CNTN5: variants seen among roughly 807,000 people sequenced by gnomAD.
The protein encoded by CNTN5 is contactin 5, also known as contactin-5.
In CNTN5, 77 loss-of-function variants were observed where a neutral mutation model predicts 129.1. That is an observed-to-expected ratio of 0.60 (90% CI 0.50 to 0.72). The LOEUF is 0.72. Ranked by LOEUF, CNTN5 falls within the 30% of genes least tolerant of loss-of-function variation. The pLI is 0.00. For synonymous variants in CNTN5, 509 were observed against 465.6 expected (o/e 1.09, Z -1.20); for missense variants, 1,478 against 1,328.8 (o/e 1.11, Z -1.75).
chr11:99,766,772 C>T (rs565122410), intron 3 of CNTN5, among the ~76,000 whole-genome samples: 1 of 152,020 alleles, frequency 6.6e-6, no homozygotes, highest in Admixed American at 6.6e-5. Flanking sequence ...TTTTAACAAG[C>T]ATTTTAAAAA....
chr11:99,597,146 A>G (rs982999384), intron 3 of CNTN5, among the ~76,000 whole-genome samples: 1 of 152,186 alleles, frequency 6.6e-6, no homozygotes, highest in Non-Finnish European at 1.5e-5. Flanking sequence ...AGGATATATT[A>G]AACAATACCA....
intron 24 of CNTN5, among the ~76,000 whole-genome samples, chr11:100,354,593 A>G (rs1241878964): frequency 6.6e-6 from 1 of 151,716 alleles, no homozygotes; most frequent in East Asian, 1.9e-4. Flanking sequence ...AAAATTTACT[A>G]GAGTAAGCAT....
intron 1 of CNTN5, among the ~76,000 whole-genome samples, chr11:99,174,187 C>T (rs1287560186): frequency 2.6e-5 from 4 of 151,992 alleles, no homozygotes; most frequent in East Asian, 1.9e-4. Context: ...TCTGTAGAGA[C>T]GGGGTTTCAC....
chr11:100,149,550 A>AAAATAT (rs1946977718), intron 13 of CNTN5, among the ~76,000 whole-genome samples: 1 of 152,320 alleles, frequency 6.6e-6, no homozygotes, highest in South Asian at 2.1e-4. Flanking sequence ...ATGATAAAAT[A>AAAATAT]AAATATACAT....
At chr11:99,811,437 AT>A (rs1946425126) in intron 3 of CNTN5, among the ~76,000 whole-genome samples, 1 of 148,952 alleles carries the variant, frequency 6.7e-6, no homozygotes, top group African/African-American at 2.4e-5. Flanking sequence ...ATTCTAATCC[AT>A]TATTTTGTTA....
intron 2 of CNTN5, among the ~76,000 whole-genome samples, chr11:99,416,924 C>T (rs563059534): frequency 6.6e-6 from 1 of 152,312 alleles, no homozygotes; most frequent in South Asian, 2.1e-4. Context: ...CAGGACTCCA[C>T]AACTACTTCT....
chr11:99,905,465 T>C (rs1282249210), intron 6 of CNTN5, among the ~76,000 whole-genome samples: 2 of 152,192 alleles, frequency 1.3e-5, no homozygotes, highest in South Asian at 2.1e-4. Flanking sequence ...TGTGGCATTA[T>C]AATTGAGGCC....
intron 2 of CNTN5, among the ~76,000 whole-genome samples, chr11:99,484,195 A>C (rs1246511827): frequency 6.6e-6 from 1 of 152,168 alleles, no homozygotes; most frequent in East Asian, 1.9e-4. Flanking sequence ...AAACAAAAAA[A>C]CACAATACAA....
intron 1 of CNTN5, among the ~76,000 whole-genome samples, chr11:99,188,160 C>A (rs952237582): frequency 1.3e-5 from 2 of 151,732 alleles, no homozygotes; most frequent in Non-Finnish European, 2.9e-5. Flanking sequence ...AGGCATATGA[C>A]AGTATGTCCA....
intron 1 of CNTN5, among the ~76,000 whole-genome samples, chr11:99,035,695 G>A (rs1371426655): frequency 3.3e-5 from 5 of 151,822 alleles, no homozygotes; most frequent in Admixed American, 2.6e-4. Flanking sequence ...ACTGAATACA[G>A]CACACTGATG....
chr11:99,483,109 G>C (rs1945666612), intron 2 of CNTN5, among the ~76,000 whole-genome samples: 1 of 146,744 alleles, frequency 6.8e-6, no homozygotes, highest in African/African-American at 2.5e-5. Flanking sequence ...CCGGGAGGTG[G>C]AGCTTGCAGT....
intron 13 of CNTN5, among the ~76,000 whole-genome samples, chr11:100,171,805 A>G (rs934786956): frequency 1.3e-5 from 2 of 151,756 alleles, no homozygotes; most frequent in African/African-American, 2.4e-5. Flanking sequence ...GAATGTATTT[A>G]GTTGAGACAG....
intron 6 of CNTN5, among the ~76,000 whole-genome samples, chr11:99,856,273 C>CT (rs1170611474): frequency 6.6e-6 from 1 of 152,164 alleles, no homozygotes; most frequent in African/African-American, 2.4e-5. Context: ...TTTTACAGAG[C>CT]TTTTTTAAAG....
At chr11:99,809,096 C>T (rs917352112) in intron 3 of CNTN5, among the ~76,000 whole-genome samples, 3 of 152,116 alleles carry the variant, frequency 2.0e-5, no homozygotes, top group African/African-American at 7.2e-5. Flanking sequence ...AGATAGTACC[C>T]ATGTGGAGTG....
chr11:99,787,548 A>G lies in CNTN5; in HGVS notation c.56-31996A>G, dbSNP rs540914385. On this transcript the variant is annotated intron_variant, in intron 3 of 24. Coordinates refer to ENST00000524871, the MANE Select transcript of CNTN5 (RefSeq NM_014361.4). ...AAAAAAATGGCCAAGGAATGATTCA[A>G]CATCCTATAGTGGCACGAAGCCAAC... 6.6e-5 allele frequency among the ~76,000 whole-genome samples: 10 copies of G among 152,000 alleles called. No homozygotes were observed. The South Asian group carries it at 2.1e-3, about 31-fold the overall frequency.
At chr11:99,862,395 A>G (rs760573079) in intron 6 of CNTN5, among the ~76,000 whole-genome samples, 2 of 151,932 alleles carry the variant, frequency 1.3e-5, no homozygotes, top group African/African-American at 2.4e-5. Flanking sequence ...TGACATGGAG[A>G]CAAATTACCA....
chr11:100,002,074 T>C lies in CNTN5; in HGVS notation c.918T>C (p.Phe306=). The change falls in exon 9 of 25, where the codon TTT becomes TTC. Residue 306 remains phenylalanine, a synonymous_variant. Coordinates refer to ENST00000524871, the MANE Select transcript of CNTN5 (RefSeq NM_014361.4). ...ATGAGCCGAAAATTGAGGTCCATTT[T>C]CCTTTCACGGTTACAGCTGCTAAAG... is the stretch of plus-strand genomic sequence containing the variant. The part of the protein sequence containing the change: ...GEYEPKIEVH[F]PFTVTAAKGT... 2 of 1,599,670 alleles carry C rather than the reference T, an allele frequency of 1.3e-6. No homozygotes were observed. Among genetic ancestry groups the C allele is most frequent in the Non-Finnish European group, 1.7e-6 (2 of 1,175,906 alleles).
At chr11:99,919,117 T>A (rs950547166) in intron 7 of CNTN5, among the ~76,000 whole-genome samples, 2 of 152,194 alleles carry the variant, frequency 1.3e-5, no homozygotes, top group South Asian at 4.1e-4. Context: ...GGAGCAGCAT[T>A]CTTCTGCAGA....
At position 99,944,570 on chromosome 11, in the gene CNTN5, A is replaced by G. The variant is rs543017484; in HGVS notation, c.674-12236A>G. ...TTCAAATAGGAAGAGAGAAAGTCAA[A>G]TTGTCTCTATTTGCAGATGACATGA... On this transcript the variant is annotated intron_variant, in intron 7 of 24. Coordinates refer to ENST00000524871, the MANE Select transcript of CNTN5 (RefSeq NM_014361.4). Among the ~76,000 whole-genome samples the G allele has an allele frequency of 3.0e-3, 452 of 152,202 alleles. 1 individual carries two copies. Among genetic ancestry groups the G allele is most frequent in the Non-Finnish European group, 5.2e-3 (353 of 67,990 alleles).
Sources: allele counts gnomAD v4.1 joint callset (sites outside exome capture counted in the v4.1 genomes callset), GRCh38; gene constraint gnomAD v4.1.1; transcripts MANE v1.5; gene names NCBI Gene and HGNC (gene_info 2026-07-23, HGNC 2026-07-21).